IL6ST: variants seen among roughly 807,000 people sequenced by gnomAD.
The protein encoded by IL6ST is interleukin 6 cytokine family signal transducer.
IL6ST carries 24 observed loss-of-function variants against 91.3 expected under a neutral mutation model. The observed-to-expected ratio is 0.26, with a 90% CI of 0.19 to 0.37. The LOEUF (loss-of-function observed/expected upper bound fraction) is 0.37. Among genes scored for constraint, IL6ST ranks in the 10% least tolerant of loss-of-function variants. The probability of loss-of-function intolerance (pLI) is 1.00; values close to 1 mark genes in which losing one functional copy is unlikely to be tolerated. For missense variants in IL6ST, 914 were observed against 1,078.5 expected (o/e 0.85, Z 2.14); for synonymous variants, 351 against 373.6 (o/e 0.94, Z 0.70).
At position 55,936,377 on chromosome 5, in the gene IL6ST, G is replaced by A. The variant is rs933465631; in HGVS notation, c.*4705C>T. The A allele has an allele frequency of 1.8e-5, 4 of 216,948 alleles. No homozygotes were observed. Among genetic ancestry groups the A allele is most frequent in the African/African-American group, 9.3e-5 (4 of 43,210 alleles). 13.4% of individuals were successfully genotyped at this position (216,948 alleles called of 1,614,324 possible). On this transcript the variant is annotated 3_prime_UTR_variant, in exon 17 of 17. Coordinates refer to ENST00000381298, the MANE Select transcript of IL6ST (RefSeq NM_002184.4). The stretch of plus-strand genomic sequence containing the variant: ...TTTTTTTTTTTTTAATGTCCACTAG[G>A]AGGGAGGATGCTACGATTTCAGACC...
intron 3 of IL6ST, among the ~76,000 whole-genome samples, chr5:55,971,956 C>A (rs558087250): frequency 6.6e-6 from 1 of 152,224 alleles, no homozygotes; most frequent in South Asian, 2.1e-4. Flanking sequence ...TACTGTAAAT[C>A]TTAGTGCATA....
chr5:55,970,684 G>A (rs7730934), intron 3 of IL6ST, among the ~76,000 whole-genome samples: 31,416 of 151,884 alleles, frequency 0.21, 4,940 homozygotes, highest in African/African-American at 0.44. Context: ...GCATGGGATA[G>A]GATCCCCTAT....
At chr5:55,974,166 T>C (rs766779991) in intron 3 of IL6ST, among the ~76,000 whole-genome samples, 1 of 152,242 alleles carries the variant, frequency 6.6e-6, no homozygotes, top group Non-Finnish European at 1.5e-5. Flanking sequence ...TGAGTGCCAC[T>C]GTAGTCAGAT....
chr5:55,992,938 G>A (rs1369037143), intron 1 of IL6ST, among the ~76,000 whole-genome samples: 1 of 152,176 alleles, frequency 6.6e-6, no homozygotes, highest in East Asian at 1.9e-4. Flanking sequence ...TGAAGGTCCT[G>A]ATTACATCTC....
In IL6ST at chr5:55,941,649, C is replaced by G; in HGVS notation, c.2190G>C (p.Gly730=). The part of the protein sequence containing the change: ...NTEGHSSGIG[G]SSCMSSSRPS... ...GCCTAGAAGATGACATGCATGAAGA[C>G]CCCCCAATACCACTGCTGTGTCCTT... The change falls in exon 17 of 17, where the codon GGG becomes GGC. Residue 730 remains glycine (G), a synonymous_variant. Transcript: ENST00000381298. 6.2e-7 allele frequency: 1 copy of G among 1,613,968 alleles called. No homozygotes were observed. Among genetic ancestry groups the G allele is most frequent in the Non-Finnish European group, 8.5e-7 (1 of 1,179,866 alleles).
chr5:55,942,986 T>TAATC (rs1163299573), intron 15 of IL6ST, among the ~76,000 whole-genome samples: 6 of 152,208 alleles, frequency 3.9e-5, no homozygotes, highest in African/African-American at 1.2e-4. Context: ...AAGCTAAATC[T>TAATC]AATCAGTGTT....
Position 55,937,419 on chromosome 5 carries a change from TAG to T in IL6ST, c.*3661_*3662del, listed in dbSNP as rs1750606373. On this transcript the variant is annotated 3_prime_UTR_variant, in exon 17 of 17. Coordinates refer to ENST00000381298, the MANE Select transcript of IL6ST (RefSeq NM_002184.4). ...TAGTAGCATGTATGATGGAAAAAAA[TAG>T]GTTAATGCAAAAGATAATACGCTTG... 1 of 212,380 alleles carries T rather than the reference TAG, an allele frequency of 4.7e-6. No homozygotes were observed. The allele number at this position is 212,380 out of a possible 1,614,324, so 13.2% of individuals were successfully genotyped here. A position where few individuals can be genotyped will look rare whatever the true frequency, so the allele number is the denominator to read the frequency against.
In IL6ST at chr5:55,962,966, A is replaced by G. The variant is rs781333306; in HGVS notation, c.813+386T>C. ...TCCATCTCCACAAAAAATAATAATA[A>G]TTTTAAAAAGCCAGGTGTGGTGGTG... On this transcript the variant is annotated intron_variant, in intron 7 of 16. Coordinates refer to ENST00000381298, the MANE Select transcript of IL6ST (RefSeq NM_002184.4). Among the ~76,000 whole-genome samples the G allele has an allele frequency of 1.4e-4, 21 of 152,138 alleles. 2 individuals carry two copies. In the Middle Eastern group the frequency reaches 0.017, roughly 123 times the overall value.
intron 2 of IL6ST, among the ~76,000 whole-genome samples, chr5:55,982,415 T>C (rs1580861394): frequency 6.6e-6 from 1 of 152,280 alleles, no homozygotes. Flanking sequence ...GAAGAAAATT[T>C]CTATATATCT....
In IL6ST at chr5:55,941,787, T is replaced by C. The variant is rs1750938351; in HGVS notation, c.2052A>G (p.Ser684=). The change falls in exon 17 of 17, where the codon TCA becomes TCG. Residue 684 remains serine (S), a synonymous_variant. Coordinates refer to ENST00000381298, the MANE Select transcript of IL6ST (RefSeq NM_002184.4). ...CACTTACATCAGTGAAATTGCCATC[T>C]GAATACATTTGATCTTTTGAATTAA... is the stretch of plus-strand genomic sequence containing the variant. ...HNFNSKDQMY[S]DGNFTDVSVV... is the part of the protein sequence containing the mutation. 3.7e-6 allele frequency: 6 copies of C among 1,612,442 alleles called. No homozygotes were observed. Among genetic ancestry groups the C allele is most frequent in the Non-Finnish European group, 5.1e-6 (6 of 1,179,290 alleles).
chr5:55,958,986 T>C (rs113282503), intron 8 of IL6ST, among the ~76,000 whole-genome samples: 3,748 of 152,028 alleles, frequency 0.025, 173 homozygotes, highest in African/African-American at 0.085. Context: ...TAAATTCACA[T>C]GAGTACAGTG....
chr5:55,988,994 A>G (rs1187716903), intron 1 of IL6ST, among the ~76,000 whole-genome samples: 1 of 151,458 alleles, frequency 6.6e-6, no homozygotes, highest in Non-Finnish European at 1.5e-5. Context: ...GGCATGGTGG[A>G]CCATGCCTGT....
At chr5:55,952,576 CAAT>C (rs1751703039) in intron 11 of IL6ST, among the ~76,000 whole-genome samples, 1 of 152,084 alleles carries the variant, frequency 6.6e-6, no homozygotes, top group African/African-American at 2.4e-5. Context: ...TTGTTAAGAA[CAAT>C]GATGGTATTT....
intron 1 of IL6ST, among the ~76,000 whole-genome samples, chr5:55,994,358 A>G (rs1214228056): frequency 6.6e-6 from 1 of 152,210 alleles, no homozygotes; most frequent in Non-Finnish European, 1.5e-5. Flanking sequence ...AAACGTTACG[A>G]TTTCAAGATG....
At chr5:55,945,648 C>CTTTTTTTTTTTTT (rs70995749) in intron 15 of IL6ST, among the ~76,000 whole-genome samples, 3 of 41,680 alleles carry the variant, frequency 7.2e-5, no homozygotes, top group African/African-American at 3.0e-4. Context: ...AAAACTTATG[C>CTTTTTTTTTTTTT]TTTTTTTTTT....
intron 16 of IL6ST, 104 bp from the exon 17 acceptor site, chr5:55,941,923 G>A: frequency 1.0e-6 from 1 of 954,918 alleles, no homozygotes; most frequent in Non-Finnish European, 1.6e-6. Context: ...GAAATAACCT[G>A]TATTATGTCA....
chr5:55,936,837 G>A lies in IL6ST; in HGVS notation c.*4245C>T. ...GACAAGCCTTCCAAATGAAGTTAGAGTAGATGGGGTAAAACAGCAAGTGAA... is the reference window on the plus strand; with the variant it reads ...GACAAGCCTTCCAAATGAAGTTAGAATAGATGGGGTAAAACAGCAAGTGAA... On this transcript the variant is annotated 3_prime_UTR_variant, in exon 17 of 17. Transcript: ENST00000381298. 1 of 194,596 alleles carries A rather than the reference G, an allele frequency of 5.1e-6. No individual in the cohort carries two copies. The highest frequency in any genetic ancestry group is 1.8e-3 in the Middle Eastern group (1 of 548). The allele number at this position is 194,596 out of a possible 1,614,324, so 12.1% of individuals were successfully genotyped here.
Position 55,947,513 on chromosome 5 carries a change from G to A in IL6ST, c.1917C>T (p.Phe639=), listed in dbSNP as rs753225069. 2.7e-6 allele frequency: 4 copies of A among 1,495,062 alleles called. No homozygotes were observed. In the Admixed American group the frequency reaches 6.0e-5, roughly 22 times the overall value. The allele number at this position is 1,495,062 out of a possible 1,614,324, so 92.6% of individuals were successfully genotyped here. A position where few individuals can be genotyped will look rare whatever the true frequency, so the allele number is the denominator to read the frequency against. The change falls in exon 15 of 17, where the codon TTC becomes TTT. Residue 639 remains phenylalanine, a synonymous_variant. Transcript: ENST00000381298. ...CTTACAGGTCTCGCTTATTAAAGCA[G>A]AACAGCACTCCCAGAAGAGTTGTCA... The part of the protein sequence containing the change: ...FLLTTLLGVL[F]CFNKRDLIKK...
At chr5:55,944,790 G>A (rs574542345) in intron 15 of IL6ST, 200 of 692,946 alleles carry the variant, frequency 2.9e-4, no homozygotes, top group Non-Finnish European at 4.4e-4. Flanking sequence ...AATGCCAGAC[G>A]CTGGGGATGC....
Sources: gnomAD v4.1 joint callset for allele counts (sites outside exome capture counted in the v4.1 genomes callset) on GRCh38, gnomAD v4.1.1 for gene constraint, MANE v1.5 for transcripts, NCBI Gene and HGNC (gene_info 2026-07-23, HGNC 2026-07-21) for gene names.